Variants in UMODL1 observed in about 807,000 individuals in gnomAD.
UMODL1 encodes uromodulin like 1, also known as uromodulin-like 1.
Under a neutral mutation model 136.3 loss-of-function variants are expected in UMODL1, and 128 were observed. The ratio of observed to expected loss-of-function variants is 0.94; its 90% CI spans 0.81 to 1.09. The LOEUF is 1.09. UMODL1 is among the 50% of genes least tolerant of loss of function. The probability of loss-of-function intolerance (pLI) is 0.00; values close to 1 mark genes in which losing one functional copy is unlikely to be tolerated. For missense variants in UMODL1, 1,766 were observed against 1,725.6 expected, an observed-to-expected ratio of 1.02 and a Z score of -0.41; for synonymous variants, 721 against 720.0, an observed-to-expected ratio of 1.00 and a Z score of -0.02.
At chr21:42,109,844 T>C (rs1286381255) in intron 10 of UMODL1, 145 bp downstream of exon 10, 2 of 925,676 alleles carry the variant, frequency 2.2e-6, no homozygotes, top group East Asian at 2.7e-5. Flanking sequence ...TTTCAATTTA[T>C]TTTAAAATCA....
At chr21:42,089,178 C>T (rs907239018) in intron 5 of UMODL1, among the ~76,000 whole-genome samples, 2 of 152,192 alleles carry the variant, frequency 1.3e-5, no homozygotes, top group Admixed American at 6.5e-5. Flanking sequence ...CCTGGGCTCC[C>T]GTACGGCTTC....
chr21:42,075,862 G>T, intron 1 of UMODL1, 143 bp from the exon 2 acceptor site: 4 of 1,206,078 alleles, frequency 3.3e-6, no homozygotes, highest in Non-Finnish European at 4.7e-6. Flanking sequence ...AGTGGAGAGG[G>T]CTGGTGGGCA....
intron 7 of UMODL1, chr21:42,101,845 T>G: frequency 9.6e-6 from 4 of 416,264 alleles, no homozygotes; most frequent in South Asian, 7.1e-5. Flanking sequence ...CCTGTGGTTG[T>G]GAATAGGGCA....
At chr21:42,086,490 T>G (rs1246646815) in intron 4 of UMODL1, 1 of 455,150 alleles carries the variant, frequency 2.2e-6, no homozygotes, top group East Asian at 6.9e-5. Context: ...AGCCTCGGCC[T>G]TAACAGCCCG....
rs190416192 is a variant in UMODL1, at chr21:42,088,965, A to G, written c.790+485A>G. 5.9e-5 allele frequency among the ~76,000 whole-genome samples: 9 copies of G among 152,240 alleles called. No individual in the cohort carries two copies. The South Asian group carries it at 1.2e-3, about 21-fold the overall frequency. The stretch of plus-strand genomic sequence containing the variant: ...ACAATTTGTCTAAAGTTGAATTTGT[A>G]TCTGGCAAAGCACATAGACGTGGCC... On this transcript the variant is annotated intron_variant, in intron 5 of 22. Transcript: ENST00000408910.
At position 42,123,025 on chromosome 21, in the gene UMODL1, C is replaced by A; in HGVS notation, c.3022C>A (p.Gln1008Lys). The A allele has an allele frequency of 7.4e-6, 12 of 1,614,148 alleles. No individual in the cohort carries two copies. Among genetic ancestry groups the A allele is most frequent in the Non-Finnish European group, 9.3e-6 (11 of 1,180,028 alleles). Residue 1008 changes from glutamine to lysine, a missense_variant, in exon 17 of 23, where the codon CAG becomes AAG. Gln to Lys is a moderately conservative substitution (Grantham distance 53). Coordinates refer to ENST00000408910, the MANE Select transcript of UMODL1 (RefSeq NM_001004416.3). The surrounding 1 kb of genome is among the most constrained non-coding windows in gnomAD (Gnocchi z 4.4). ...VVVAIQKRFLQQESIPESSLY... is the reference protein window; with the variant it reads ...VVVAIQKRFLKQESIPESSLY... Reference sequence around the variant, plus strand: ...TGTCGCCATCCAGAAGCGCTTCCTGCAGCAGGAATCCATCCCCGAGTCCTC... The same window carrying A: ...TGTCGCCATCCAGAAGCGCTTCCTGAAGCAGGAATCCATCCCCGAGTCCTC...
At chr21:42,105,571 T>C (rs770281519) in intron 9 of UMODL1, among the ~76,000 whole-genome samples, 21 of 152,348 alleles carry the variant, frequency 1.4e-4, no homozygotes, top group Non-Finnish European at 2.9e-4. Context: ...GAGGTCCTCC[T>C]GCCGTTGGAT....
At chr21:42,101,227 G>A (rs2066627721) in intron 7 of UMODL1, among the ~76,000 whole-genome samples, 2 of 151,988 alleles carry the variant, frequency 1.3e-5, no homozygotes, top group African/African-American at 4.8e-5. Context: ...GATGCCCAGA[G>A]CCTCCAGGGA....
chr21:42,127,795 C>A lies in UMODL1; in HGVS notation c.3654C>A (p.Arg1218=), dbSNP rs779374176. Residue 1218 remains arginine, a synonymous_variant, in exon 20 of 23, where the codon CGC becomes CGA. Transcript: ENST00000408910. The stretch of plus-strand genomic sequence containing the variant: ...TCGTCTACCTGCACTGCAAACTCCG[C>A]GTCTGCATGGAATCCCCCGGAGCCA... ...DSIVYLHCKL[R]VCMESPGATC... is the part of the protein sequence containing the mutation. 2 of 1,613,918 alleles carry A rather than the reference C, an allele frequency of 1.2e-6. No homozygotes were observed. The highest frequency in any genetic ancestry group is 2.2e-5 in the South Asian group (2 of 90,978).
chr21:42,118,128 T>C (rs545246111), intron 14 of UMODL1, among the ~76,000 whole-genome samples: 1 of 152,348 alleles, frequency 6.6e-6, no homozygotes, highest in East Asian at 1.9e-4. Flanking sequence ...GAAGTTTGCT[T>C]AGAGGTTGGT....
chr21:42,125,063 C>G (rs1395197182), intron 17 of UMODL1, among the ~76,000 whole-genome samples: 2 of 152,124 alleles, frequency 1.3e-5, no homozygotes, highest in Non-Finnish European at 2.9e-5. Flanking sequence ...TCTGGACACA[C>G]TCCTTAGTGG....
intron 21 of UMODL1, among the ~76,000 whole-genome samples, chr21:42,136,843 C>T (rs1390636068): frequency 2.6e-5 from 4 of 151,998 alleles, no homozygotes; most frequent in South Asian, 2.1e-4. Context: ...CTGTAACCTC[C>T]GCCTCCTGTG....
At chr21:42,124,728 G>A (rs1028015843) in intron 17 of UMODL1, among the ~76,000 whole-genome samples, 5 of 152,050 alleles carry the variant, frequency 3.3e-5, no homozygotes, top group Admixed American at 1.3e-4. Context: ...GGTCGTTGGC[G>A]GGAACTCTGG....
At chr21:42,068,999 G>A (rs770278875), upstream of UMODL1, among the ~76,000 whole-genome samples, 31 of 152,174 alleles carry the variant, frequency 2.0e-4, no homozygotes, top group Non-Finnish European at 4.4e-5. The surrounding 1 kb of genome is among the most constrained non-coding windows in gnomAD (Gnocchi z 5.5). Flanking sequence ...GGCCCTGAGC[G>A]AATTTGGGGC....
At chr21:42,074,681 G>A (rs545586064) in intron 1 of UMODL1, among the ~76,000 whole-genome samples, 4 of 152,262 alleles carry the variant, frequency 2.6e-5, no homozygotes, top group South Asian at 4.1e-4. Flanking sequence ...TGCAGCGGGG[G>A]TGACTGTGCC....
At chr21:42,109,251 A>C (rs770114787) in intron 9 of UMODL1, among the ~76,000 whole-genome samples, 1 of 152,200 alleles carries the variant, frequency 6.6e-6, no homozygotes, top group African/African-American at 2.4e-5. Context: ...AAGAGAGAGG[A>C]GAAAACATTT....
In UMODL1 at chr21:42,127,137, G is replaced by A. The variant is rs1434681234; in HGVS notation, c.3425G>A (p.Gly1142Glu). 6 of 1,614,140 alleles carry A rather than the reference G, an allele frequency of 3.7e-6. No individual in the cohort carries two copies. Among genetic ancestry groups the A allele is most frequent in the Non-Finnish European group, 4.2e-6 (5 of 1,180,038 alleles). ...AGTGACGATGTCAGGATCGAAGTGG[G>A]GCTCTACAGGCAGAAAAGCAACCTC... ...SASDDVRIEV[G>E]LYRQKSNLKV... Residue 1142 changes from glycine (G) to glutamate (E), a missense_variant, in exon 19 of 23, where the codon GGG (glycine) becomes GAG (glutamate). Coordinates refer to ENST00000408910, the MANE Select transcript of UMODL1 (RefSeq NM_001004416.3).
upstream of UMODL1, among the ~76,000 whole-genome samples, chr21:42,067,296 TC>T (rs1211479883): frequency 1.3e-5 from 2 of 152,174 alleles, no homozygotes; most frequent in African/African-American, 4.8e-5. Context: ...TAATTATATT[TC>T]CCCAGTAATG....
intron 9 of UMODL1, among the ~76,000 whole-genome samples, chr21:42,109,038 G>GA (rs1368500299): frequency 7.5e-6 from 1 of 132,998 alleles, no homozygotes; most frequent in African/African-American, 3.1e-5. Flanking sequence ...TACTCCACTG[G>GA]CCCCCACCCC....
Sources: allele counts gnomAD v4.1 joint callset (sites outside exome capture counted in the v4.1 genomes callset), GRCh38; gene constraint gnomAD v4.1.1; non-coding constraint Gnocchi (gnomAD v3.1); transcripts MANE v1.5; gene names NCBI Gene and HGNC (gene_info 2026-07-23, HGNC 2026-07-21).